The following DPH6 variants were observed in gnomAD, a reference collection of about 807,000 sequenced individuals.
DPH6 encodes the protein diphthamine biosynthesis 6, also known as diphthine--ammonia ligase.
In DPH6, 33 loss-of-function variants were observed where a neutral mutation model predicts 38.2. The ratio of observed to expected loss-of-function variants is 0.86; its 90% confidence interval spans 0.65 to 1.15. The LOEUF (loss-of-function observed/expected upper bound fraction) is 1.15, where lower values mean the gene tolerates loss of function less well. Among genes scored for constraint, DPH6 ranks in the 50% most tolerant of loss-of-function variants. The pLI is 0.00. For missense variants in DPH6, 325 were observed against 320.0 expected (o/e 1.02, Z -0.12); for synonymous variants, 108 against 103.0 (o/e 1.05, Z -0.30).
At chr15:35,520,458 T>A (rs2054907941) in intron 3 of DPH6, 1 of 983,916 alleles carries the variant, frequency 1.0e-6, no homozygotes, top group Non-Finnish European at 1.2e-6. Flanking sequence ...TTAAGTTCCA[T>A]ATATTTTCTA....
At chr15:35,452,608 C>T (rs1372446828) in intron 4 of DPH6, among the ~76,000 whole-genome samples, 1 of 152,128 alleles carries the variant, frequency 6.6e-6, no homozygotes, top group East Asian at 1.9e-4. Flanking sequence ...TATACCCTGA[C>T]TTTCAAAAAA....
At chr15:35,493,715 G>A (rs2054512973) in intron 3 of DPH6, among the ~76,000 whole-genome samples, 1 of 152,110 alleles carries the variant, frequency 6.6e-6, no homozygotes, top group African/African-American at 2.4e-5. Context: ...GCTATCAAGA[G>A]CATGTGAACT....
At chr15:35,436,432 C>G (rs570430302) in intron 5 of DPH6, among the ~76,000 whole-genome samples, 21 of 148,292 alleles carry the variant, frequency 1.4e-4, no homozygotes, top group African/African-American at 5.0e-4. Flanking sequence ...CGCCACTGCG[C>G]TCCAGCCTGG....
At chr15:35,166,296 T>G in the DPH6 span, among the ~76,000 whole-genome samples, 1 of 151,900 alleles carries the variant, frequency 6.6e-6, no homozygotes, top group Non-Finnish European at 1.5e-5. Context: ...AACACTTATT[T>G]TACACTCTTT....
At chr15:35,421,138 A>G (rs1187772832) in intron 5 of DPH6, among the ~76,000 whole-genome samples, 2 of 152,180 alleles carry the variant, frequency 1.3e-5, no homozygotes, top group Admixed American at 6.5e-5. Context: ...TTGAGATTGA[A>G]TCAGTCATTA....
intron 3 of DPH6, among the ~76,000 whole-genome samples, chr15:35,340,212 T>C (rs2052409713): frequency 6.6e-6 from 1 of 151,970 alleles, no homozygotes; most frequent in Non-Finnish European, 1.5e-5. Flanking sequence ...CTGAGTTTTT[T>C]GGTTTTCCAT....
chr15:35,532,264 C>T (rs1028041871), intron 3 of DPH6, among the ~76,000 whole-genome samples: 1 of 152,162 alleles, frequency 6.6e-6, no homozygotes, highest in African/African-American at 2.4e-5. Context: ...ATATCTTAAT[C>T]ATGGGTCATT....
intron 6 of DPH6, among the ~76,000 whole-genome samples, chr15:35,405,266 T>G (rs1595535662): frequency 6.6e-6 from 1 of 152,138 alleles, no homozygotes; most frequent in Non-Finnish European, 1.5e-5. Flanking sequence ...GGTATTTTGA[T>G]AGAAATTGCA....
the DPH6 span, among the ~76,000 whole-genome samples, chr15:35,156,736 C>T: frequency 6.6e-6 from 1 of 152,166 alleles, no homozygotes. Flanking sequence ...TGCTATTTGA[C>T]ATCTCATGCA....
chr15:35,474,600 C>A (rs1309477121), intron 3 of DPH6, among the ~76,000 whole-genome samples: 1 of 151,936 alleles, frequency 6.6e-6, no homozygotes. Flanking sequence ...ATTTTAGGAA[C>A]CATGAGAAAA....
intron 3 of DPH6, among the ~76,000 whole-genome samples, chr15:35,346,766 T>C (rs559666709): frequency 6.6e-6 from 1 of 152,302 alleles, no homozygotes; most frequent in African/African-American, 2.4e-5. Context: ...TACAAATGTC[T>C]AGTGCTTTAA....
intron 5 of DPH6, among the ~76,000 whole-genome samples, chr15:35,436,537 G>A (rs956399096): frequency 1.6e-5 from 2 of 127,604 alleles, no homozygotes; most frequent in East Asian, 2.2e-4. Flanking sequence ...CTCCCTGTTC[G>A]TCACTGCACT....
At chr15:35,365,171 A>G (rs908896272) in intron 3 of DPH6, among the ~76,000 whole-genome samples, 4 of 152,056 alleles carry the variant, frequency 2.6e-5, no homozygotes, top group Non-Finnish European at 4.4e-5. Flanking sequence ...ATCTATCATT[A>G]TAAGTACTTC....
chr15:35,198,241 A>G, the DPH6 span, among the ~76,000 whole-genome samples: 1 of 152,030 alleles, frequency 6.6e-6, no homozygotes, highest in African/African-American at 2.4e-5. Context: ...CTAATTTTTA[A>G]GGCTACAGAT....
At chr15:35,257,795 T>TGTGTGTGTGC (rs1555389683) in intron 3 of DPH6, among the ~76,000 whole-genome samples, 1 of 151,970 alleles carries the variant, frequency 6.6e-6, no homozygotes, top group Non-Finnish European at 1.5e-5. Context: ...TGTGTGTGTG[T>TGTGTGTGTGC]GCATTTTCTT....
chr15:35,283,267 T>TTCTTCCTCTTCCTCTTCTTCTTCCTCCTC (rs1566859084), intron 3 of DPH6, among the ~76,000 whole-genome samples: 10 of 150,416 alleles, frequency 6.6e-5, no homozygotes, highest in Admixed American at 6.6e-4. Flanking sequence ...TTCTTCTTCT[T>TTCTTCCTCTTCCTCTTCTTCTTCCTCCTC]TCTTCCTCTT....
At chr15:35,204,812 A>G in the DPH6 span, among the ~76,000 whole-genome samples, 1 of 151,866 alleles carries the variant, frequency 6.6e-6, no homozygotes, top group Non-Finnish European at 1.5e-5. Flanking sequence ...AACAACCACA[A>G]CATAACCACA....
intron 6 of DPH6, among the ~76,000 whole-genome samples, chr15:35,403,733 C>T (rs2053252907): frequency 6.6e-6 from 1 of 151,938 alleles, no homozygotes; most frequent in African/African-American, 2.4e-5. Flanking sequence ...GTCTTGAACT[C>T]CTGGACTGAA....
intron 3 of DPH6, among the ~76,000 whole-genome samples, chr15:35,493,663 T>C (rs2054512183): frequency 2.6e-5 from 4 of 152,142 alleles, no homozygotes; most frequent in Non-Finnish European, 5.9e-5. Flanking sequence ...CTGAGGGTCA[T>C]GATTCTTCAT....
Sources: allele counts gnomAD v4.1 joint callset (sites outside exome capture counted in the v4.1 genomes callset), GRCh38; gene constraint gnomAD v4.1.1; transcripts MANE v1.5; gene names NCBI Gene and HGNC (gene_info 2026-07-23, HGNC 2026-07-21).